Variants in RYR2 observed in about 807,000 individuals in gnomAD.
RYR2 encodes the protein cardiac muscle ryanodine receptor-calcium release channel.
Under a neutral mutation model 601.1 loss-of-function variants are expected in RYR2, and 227 were observed. The observed-to-expected ratio is 0.38, with a 90% confidence interval of 0.34 to 0.42. The LOEUF is 0.42. Among genes scored for constraint, RYR2 ranks in the 10% least tolerant of loss-of-function variants. The pLI is 1.00. For synonymous variants in RYR2, 2,223 were observed against 2,175.1 expected (o/e 1.02, Z -0.61); for missense variants, 4,646 against 6,156.5 (o/e 0.75, Z 8.21).
chr1:237,454,430 A>T lies in RYR2; in HGVS notation c.1332A>T (p.Thr444=). ...TCAGCAAGAAAGCGAAGGCTTCCAC[A>T]GTCGATTTGCCTATAGAGTCCGTAA... is the stretch of plus-strand genomic sequence containing the variant. ...DALSKKAKAS[T]VDLPIESVSL... Residue 444 remains threonine (T), a synonymous_variant, in exon 15 of 105, where the codon ACA becomes ACT. Coordinates refer to ENST00000366574, the MANE Select transcript of RYR2 (RefSeq NM_001035.3). 1.9e-6 allele frequency: 3 copies of T among 1,612,886 alleles called. No homozygotes were observed. Among genetic ancestry groups the T allele is most frequent in the Non-Finnish European group, 2.5e-6 (3 of 1,179,374 alleles).
At chr1:237,699,073 A>G (rs750307787) in intron 64 of RYR2, 48 bp downstream of exon 64, 45 of 849,256 alleles carry the variant, frequency 5.3e-5, no homozygotes, top group Middle Eastern at 3.0e-4. Context: ...ATAATGATAC[A>G]TGTATATATA....
chr1:237,432,950 C>T (rs373887849), intron 12 of RYR2, among the ~76,000 whole-genome samples: 6 of 149,494 alleles, frequency 4.0e-5, no homozygotes, highest in African/African-American at 1.5e-4. Flanking sequence ...TTGTAGATAC[C>T]AATAACTTTA....
intron 1 of RYR2, among the ~76,000 whole-genome samples, chr1:237,236,284 A>G (rs1486275718): frequency 6.6e-6 from 1 of 152,192 alleles, no homozygotes; most frequent in Non-Finnish European, 1.5e-5. Flanking sequence ...AGATCAGTCA[A>G]TAGTACTGAG....
chr1:237,115,635 A>G lies in RYR2; in HGVS notation c.48+73066A>G, dbSNP rs1265150921. On this transcript the variant is annotated intron_variant, in intron 1 of 104. Transcript: ENST00000366574. ...GACAAAGGTTCATTTTCACACAGACAATGTGATGAAGCCCCAAACAGTGGA... is the reference window on the plus strand; with the variant it reads ...GACAAAGGTTCATTTTCACACAGACGATGTGATGAAGCCCCAAACAGTGGA... Among the ~76,000 whole-genome samples, 8 of 152,292 alleles carry G rather than the reference A, an allele frequency of 5.3e-5. No homozygotes were observed. The Middle Eastern group carries it at 0.01, about 194-fold the overall frequency.
chr1:237,157,817 T>C (rs544197625), intron 1 of RYR2, among the ~76,000 whole-genome samples: 2 of 152,178 alleles, frequency 1.3e-5, no homozygotes, highest in Admixed American at 6.5e-5. Flanking sequence ...TGGTATTCAA[T>C]AGCACAATAG....
chr1:237,059,014 C>T (rs890609335), intron 1 of RYR2, among the ~76,000 whole-genome samples: 2 of 152,064 alleles, frequency 1.3e-5, no homozygotes, highest in Admixed American at 6.5e-5. Flanking sequence ...ATCTGGCATA[C>T]ATTACAACCA....
Position 237,831,521 on chromosome 1 carries a change from C to T in RYR2, c.14764C>T (p.Leu4922=). 1.3e-6 allele frequency: 2 copies of T among 1,554,926 alleles called. No homozygotes were observed. The highest frequency in any genetic ancestry group is 8.9e-7 in the Non-Finnish European group (1 of 1,129,824). ...EHNLANYLFF[L]MYLINKDETE... is the part of the protein sequence containing the mutation. ...GTTTCTCTGTATCTGTAGGTTTTTT[C>T]TGATGTATCTTATAAACAAAGATGA... The change falls in exon 104 of 105, where the codon CTG becomes TTG. Residue 4922 remains leucine (L), a synonymous_variant. Coordinates refer to ENST00000366574, the MANE Select transcript of RYR2 (RefSeq NM_001035.3).
Position 237,806,117 on chromosome 1 carries a change from C to T in RYR2, c.14152-20C>T. 6.2e-7 allele frequency: 1 copy of T among 1,609,636 alleles called. No individual in the cohort carries two copies. The highest frequency in any genetic ancestry group is 8.5e-7 in the Non-Finnish European group (1 of 1,176,856). On this transcript the variant is annotated intron_variant, in intron 98 of 104. Coordinates refer to ENST00000366574, the MANE Select transcript of RYR2 (RefSeq NM_001035.3). ...GTTCTGTTTTCTGACATGTTCTTTCCCCCCGTTTTGTCTTAATAGTCCTTC... is the reference window on the plus strand; with the variant it reads ...GTTCTGTTTTCTGACATGTTCTTTCTCCCCGTTTTGTCTTAATAGTCCTTC...
intron 1 of RYR2, among the ~76,000 whole-genome samples, chr1:237,205,284 C>T (rs1404868385): frequency 6.6e-6 from 1 of 152,094 alleles, no homozygotes; most frequent in African/African-American, 2.4e-5. Context: ...AGTTGTGGCC[C>T]ACAGGTGACT....
intron 34 of RYR2, among the ~76,000 whole-genome samples, chr1:237,596,320 C>T (rs2148479277): frequency 6.6e-6 from 1 of 152,230 alleles, no homozygotes; most frequent in South Asian, 2.1e-4. Flanking sequence ...AATTCATGAT[C>T]TGAATGAGAT....
At chr1:237,581,337 A>G (rs541307929) in intron 29 of RYR2, among the ~76,000 whole-genome samples, 1 of 152,294 alleles carries the variant, frequency 6.6e-6, no homozygotes, top group African/African-American at 2.4e-5. Context: ...AATACTTTTG[A>G]GTCTGTATTT....
At chr1:237,309,425 G>A (rs1173770181) in intron 2 of RYR2, among the ~76,000 whole-genome samples, 1 of 151,508 alleles carries the variant, frequency 6.6e-6, no homozygotes, top group Non-Finnish European at 1.5e-5. Flanking sequence ...GTCCCCACTA[G>A]ATTAGCTAGA....
chr1:237,392,142 T>C (rs186637956), intron 10 of RYR2, among the ~76,000 whole-genome samples: 84 of 152,262 alleles, frequency 5.5e-4, no homozygotes, highest in African/African-American at 2.0e-3. Flanking sequence ...CTTATTAAAC[T>C]CTTCAATTAG....
chr1:237,487,544 C>T (rs1307054389), intron 17 of RYR2, among the ~76,000 whole-genome samples: 1 of 145,204 alleles, frequency 6.9e-6, no homozygotes, highest in Non-Finnish European at 1.5e-5. Flanking sequence ...AATGAGACCA[C>T]CCCCGTCTCT....
chr1:237,358,126 G>A (rs967061887), intron 4 of RYR2, among the ~76,000 whole-genome samples: 6 of 152,046 alleles, frequency 3.9e-5, no homozygotes, highest in Non-Finnish European at 8.8e-5. Flanking sequence ...TGTGGGGCTG[G>A]TACTTCTCTG....
chr1:237,719,478 T>G (rs1384146445), intron 73 of RYR2, among the ~76,000 whole-genome samples: 1 of 152,014 alleles, frequency 6.6e-6, no homozygotes, highest in African/African-American at 2.4e-5. Flanking sequence ...AAGCTTAAAA[T>G]CATGGCAGAT....
intron 2 of RYR2, among the ~76,000 whole-genome samples, chr1:237,296,555 T>C (rs1475906037): frequency 6.6e-6 from 1 of 152,196 alleles, no homozygotes; most frequent in Non-Finnish European, 1.5e-5. Flanking sequence ...GGCAGACTTA[T>C]TAAGAGTCCT....
At chr1:237,196,778 G>A (rs1680619034) in intron 1 of RYR2, among the ~76,000 whole-genome samples, 1 of 152,056 alleles carries the variant, frequency 6.6e-6, no homozygotes, top group South Asian at 2.1e-4. Context: ...ACAAACTTAA[G>A]AATCAGCTTG....
chr1:237,709,043 G>C lies in RYR2; in HGVS notation c.10087G>C (p.Ala3363Pro), dbSNP rs374584820. The change falls in exon 69 of 105, where the codon GCC becomes CCC. Residue 3363 changes from alanine to proline, a missense_variant. Around this residue, in one of 17 missense-constraint regions of RYR2, gnomAD observed 1,497 missense variants for 1,842.6 expected, o/e 0.81. Coordinates refer to ENST00000366574, the MANE Select transcript of RYR2 (RefSeq NM_001035.3). Reference sequence around the variant, plus strand: ...CATCCTAGATGAGTTCACCACACTGGCCAGAGATCTCTATGCCTTCTACCC... The same window carrying C: ...CATCCTAGATGAGTTCACCACACTGCCCAGAGATCTCTATGCCTTCTACCC... Reference protein sequence around the residue: ...LLILDEFTTLARDLYAFYPLL... With the variant: ...LLILDEFTTLPRDLYAFYPLL... 1.9e-6 allele frequency: 3 copies of C among 1,610,482 alleles called. No homozygotes were observed. The African/African-American group carries it at 4.0e-5, about 22-fold the overall frequency.
Sources: allele counts gnomAD v4.1 joint callset (sites outside exome capture counted in the v4.1 genomes callset), GRCh38; gene constraint gnomAD v4.1.1; regional missense constraint gnomAD v4.1.1; transcripts MANE v1.5; gene names NCBI Gene and HGNC (gene_info 2026-07-23, HGNC 2026-07-21).